The following MLLT1 variants were observed in gnomAD, a reference collection of about 807,000 sequenced individuals.
MLLT1 encodes protein ENL.
A neutral mutation model predicts 55.1 loss-of-function variants in MLLT1; 11 were observed. The observed-to-expected ratio is 0.20, with a 90% confidence interval of 0.13 to 0.33. The LOEUF is 0.33. Ranked by LOEUF, MLLT1 falls within the 10% of genes least tolerant of loss-of-function variation. The probability of loss-of-function intolerance (pLI) is 1.00; values close to 1 mark genes in which losing one functional copy is unlikely to be tolerated. For synonymous variants in MLLT1, 323 were observed against 320.1 expected, an observed-to-expected ratio of 1.01 and a Z score of -0.10; for missense variants, 536 against 760.6, an observed-to-expected ratio of 0.70 and a Z score of 3.47.
At chr19:6,248,002 T>C (rs190833406) in intron 3 of MLLT1, among the ~76,000 whole-genome samples, 1 of 152,324 alleles carries the variant, frequency 6.6e-6, no homozygotes, top group East Asian at 1.9e-4. Context: ...GCAATTCTTG[T>C]GCCTCAGCCT....
chr19:6,245,158 T>C lies in MLLT1; in HGVS notation c.277-14445A>G, dbSNP rs569806888. ...GGGTTTGAGCTCAGCCTTAGCAACATAGTGAGACTCTCTAACAAAAAAAAA... is the reference window on the plus strand; with the variant it reads ...GGGTTTGAGCTCAGCCTTAGCAACACAGTGAGACTCTCTAACAAAAAAAAA... On this transcript the variant is annotated intron_variant, in intron 3 of 11. Coordinates refer to ENST00000252674, the MANE Select transcript of MLLT1 (RefSeq NM_005934.4). Among the ~76,000 whole-genome samples, 20 of 152,128 alleles carry C rather than the reference T, an allele frequency of 1.3e-4. No individual in the cohort carries two copies. The East Asian group carries it at 1.9e-3, about 15-fold the overall frequency.
intron 1 of MLLT1, among the ~76,000 whole-genome samples, chr19:6,279,221 T>C (rs910459014): frequency 6.6e-6 from 1 of 151,586 alleles, no homozygotes; most frequent in African/African-American, 2.4e-5. Context: ...AGACAGCAGG[T>C]TGGGGACTCT....
At position 6,211,297 on chromosome 19, in the gene MLLT1, C is replaced by T; in HGVS notation, c.*1745G>A. ...ACAGGGGCCTGCCCTCTTCCTGATA[C>T]CTGAAGGCAGTGGGGCCGGGAGAGA... On this transcript the variant is annotated 3_prime_UTR_variant, in exon 12 of 12. Transcript: ENST00000252674. The surrounding 1 kb of genome is among the most constrained non-coding windows in gnomAD (Gnocchi z 4.6). 1 of 232,776 alleles carries T rather than the reference C, an allele frequency of 4.3e-6. No homozygotes were observed. Among genetic ancestry groups the T allele is most frequent in the Non-Finnish European group, 8.5e-6 (1 of 117,568 alleles). 14.4% of individuals were successfully genotyped at this position (232,776 alleles called of 1,614,324 possible). A position where few individuals can be genotyped will look rare whatever the true frequency, so the allele number is the denominator to read the frequency against.
At chr19:6,249,117 T>C (rs1286670801) in intron 3 of MLLT1, among the ~76,000 whole-genome samples, 2 of 152,176 alleles carry the variant, frequency 1.3e-5, no homozygotes, top group Non-Finnish European at 2.9e-5. Context: ...GTGCAGCAAG[T>C]ATAATAAACA....
chr19:6,276,556 C>T (rs74897769), intron 1 of MLLT1, among the ~76,000 whole-genome samples: 3,164 of 152,268 alleles, frequency 0.021, 53 homozygotes, highest in South Asian at 0.047. Flanking sequence ...CTGACACCAC[C>T]TCCCAGCTCC....
chr19:6,263,513 C>G (rs532124566), intron 2 of MLLT1: 1 of 152,406 alleles, frequency 6.6e-6, no homozygotes, highest in East Asian at 1.9e-4. Flanking sequence ...ATGGTCCCCA[C>G]GCCTTCAAGA....
At chr19:6,248,153 G>T (rs1286889484) in intron 3 of MLLT1, among the ~76,000 whole-genome samples, 1 of 152,156 alleles carries the variant, frequency 6.6e-6, no homozygotes, top group Non-Finnish European at 1.5e-5. Flanking sequence ...CTCCCAAAGT[G>T]CTGGGATTAC....
At position 6,219,244 on chromosome 19, in the gene MLLT1, C is replaced by G. The variant is rs900109736; in HGVS notation, c.1111-1203G>C. On this transcript the variant is annotated intron_variant, in intron 6 of 11. Coordinates refer to ENST00000252674, the MANE Select transcript of MLLT1 (RefSeq NM_005934.4). The surrounding 1 kb of genome is among the most constrained non-coding windows in gnomAD (Gnocchi z 4.5). Reference sequence around the variant, plus strand: ...AAGGGTTTACTGCAGCCCAACCCAGCCCCCTCCTGCCCCTCAAACCAGCCC... The same window carrying G: ...AAGGGTTTACTGCAGCCCAACCCAGGCCCCTCCTGCCCCTCAAACCAGCCC... Among the ~76,000 whole-genome samples, 3 of 152,166 alleles carry G rather than the reference C, an allele frequency of 2.0e-5. No homozygotes were observed. Among genetic ancestry groups the G allele is most frequent in the African/African-American group, 7.2e-5 (3 of 41,438 alleles).
chr19:6,250,311 T>G (rs1433334645), intron 3 of MLLT1, among the ~76,000 whole-genome samples: 1 of 152,206 alleles, frequency 6.6e-6, no homozygotes, highest in Non-Finnish European at 1.5e-5. Flanking sequence ...GCTTGTGTGT[T>G]GCTAGTGGCA....
intron 3 of MLLT1, among the ~76,000 whole-genome samples, chr19:6,247,918 T>C (rs1455097938): frequency 6.6e-6 from 1 of 151,444 alleles, no homozygotes; most frequent in Non-Finnish European, 1.5e-5. Context: ...TGAGACAGAG[T>C]CTCACTCTGT....
At chr19:6,265,038 C>CAAAAAAAAAAAAAAAAAAAAAA (rs928827048) in intron 2 of MLLT1, among the ~76,000 whole-genome samples, 2 of 21,216 alleles carry the variant, frequency 9.4e-5, no homozygotes, top group African/African-American at 1.7e-4. Flanking sequence ...TAGTGAACAG[C>CAAAAAAAAAAAAAAAAAAAAAA]AAAAAAAAAA....
intron 1 of MLLT1, among the ~76,000 whole-genome samples, chr19:6,276,929 G>A (rs376418470): frequency 6.6e-6 from 1 of 152,162 alleles, no homozygotes; most frequent in African/African-American, 2.4e-5. Context: ...CTTCTTAGGG[G>A]GGTCTGAAAG....
intron 3 of MLLT1, among the ~76,000 whole-genome samples, chr19:6,239,398 CT>C (rs375887826): frequency 2.0e-4 from 30 of 152,218 alleles, no homozygotes; most frequent in East Asian, 1.9e-4. Context: ...AATGTCCCCC[CT>C]AGTCAGATAA....
intron 5 of MLLT1, among the ~76,000 whole-genome samples, chr19:6,223,913 C>T (rs151317899): frequency 9.2e-5 from 14 of 152,290 alleles, no homozygotes; most frequent in Admixed American, 3.9e-4. Context: ...AGAGCCTGTC[C>T]AGACAATTGT....
chr19:6,236,452 C>A (rs1256775436), intron 3 of MLLT1, among the ~76,000 whole-genome samples: 1 of 152,138 alleles, frequency 6.6e-6, no homozygotes, highest in Admixed American at 6.5e-5. Context: ...TCCTGTTGCC[C>A]ACACAAACCA....
intron 3 of MLLT1, among the ~76,000 whole-genome samples, chr19:6,244,104 T>TTTC (rs1286993911): frequency 6.7e-6 from 1 of 149,566 alleles, no homozygotes; most frequent in Non-Finnish European, 1.5e-5. Flanking sequence ...CAACCGACCC[T>TTTC]TTCTAACTGG....
Position 6,228,638 on chromosome 19 carries a change from C to T in MLLT1, c.421-1536G>A, listed in dbSNP as rs2090976455. Reference sequence around the variant, plus strand: ...CTCGCTGACACAGAAACCAGCCCCTCCTCCCGGGTCTCCCAGCACCCACGG... The same window carrying T: ...CTCGCTGACACAGAAACCAGCCCCTTCTCCCGGGTCTCCCAGCACCCACGG... On this transcript the variant is annotated intron_variant, in intron 4 of 11. Transcript: ENST00000252674. Among the ~76,000 whole-genome samples the T allele has an allele frequency of 2.0e-5, 3 of 152,364 alleles. No individual in the cohort carries two copies. The South Asian group carries it at 6.2e-4, about 32-fold the overall frequency.
intron 2 of MLLT1, among the ~76,000 whole-genome samples, chr19:6,265,763 G>C (rs2091344150): frequency 6.6e-6 from 1 of 152,066 alleles, no homozygotes. Context: ...GGCGGATCAC[G>C]AGGTTAACAG....
chr19:6,254,285 C>T (rs1406623394), intron 3 of MLLT1, among the ~76,000 whole-genome samples: 3 of 152,202 alleles, frequency 2.0e-5, no homozygotes, highest in African/African-American at 7.2e-5. Context: ...GGGCATGGAA[C>T]GTCAGCACCC....
Sources: allele counts gnomAD v4.1 joint callset (sites outside exome capture counted in the v4.1 genomes callset), GRCh38; gene constraint gnomAD v4.1.1; non-coding constraint Gnocchi (gnomAD v3.1); transcripts MANE v1.5; gene names NCBI Gene and HGNC (gene_info 2026-07-23, HGNC 2026-07-21).